GRIP1: variants seen among roughly 807,000 people sequenced by gnomAD.
The protein encoded by GRIP1 is glutamate receptor interacting protein 1.
A neutral mutation model predicts 129.9 loss-of-function variants in GRIP1; 45 were observed. That is an observed-to-expected ratio of 0.35 (90% CI 0.27 to 0.44). GRIP1 has a LOEUF of 0.44. Among genes scored for constraint, GRIP1 ranks in the 20% least tolerant of loss-of-function variants. The pLI, the probability that GRIP1 is intolerant of heterozygous loss-of-function variation, is 1.00. For synonymous variants in GRIP1, 530 were observed against 520.8 expected (o/e 1.02, Z -0.24); for missense variants, 1,196 against 1,396.8 (o/e 0.86, Z 2.29).
Position 66,785,343 on chromosome 12 carries a change from C to CATACATATATATATATATATATAT in GRIP1, c.-420+18709_-420+18710insATATATATATATATATATATGTAT, listed in dbSNP as rs377630345. 3.1e-3 allele frequency among the ~76,000 whole-genome samples: 227 copies of CATACATATATATATATATATATAT among 72,708 alleles called. 1 individual carries two copies. The highest frequency in any genetic ancestry group is 8.6e-3 in the Middle Eastern group (1 of 116). 47.7% of individuals were successfully genotyped at this position (72,708 alleles called of 152,430 possible). On this transcript the variant is annotated intron_variant, in intron 1 of 4. Transcript: ENST00000538373. The stretch of plus-strand genomic sequence containing the variant: ...ACATACATACATACATACATACATA[C>CATACATATATATATATATATATAT]ATATATATATATATATATATTAGTT...
At chr12:66,863,871 C>A (rs1428434095) in intron 1 of GRIP1, among the ~76,000 whole-genome samples, 2 of 152,134 alleles carry the variant, frequency 1.3e-5, no homozygotes, top group Admixed American at 6.6e-5. Flanking sequence ...CATAGCAGTT[C>A]TCAGAGGAGC....
At chr12:66,375,108 A>G (rs2055723898) in intron 22 of GRIP1, among the ~76,000 whole-genome samples, 1 of 152,166 alleles carries the variant, frequency 6.6e-6, no homozygotes, top group Non-Finnish European at 1.5e-5. Flanking sequence ...TCATTAATCA[A>G]GAAAGGGCAA....
At chr12:66,983,836 T>C (rs1187063195) in intron 1 of GRIP1, among the ~76,000 whole-genome samples, 4 of 152,058 alleles carry the variant, frequency 2.6e-5, no homozygotes, top group African/African-American at 4.8e-5. Context: ...GTATACTTAA[T>C]AGTGTTGCCC....
At chr12:66,582,111 C>A (rs1251204982) in intron 2 of GRIP1, among the ~76,000 whole-genome samples, 7 of 151,990 alleles carry the variant, frequency 4.6e-5, no homozygotes, top group Non-Finnish European at 8.8e-5. Context: ...ATATGCAAAT[C>A]AATAAATGTA....
chr12:66,641,453 C>T (rs538506229), intron 1 of GRIP1, among the ~76,000 whole-genome samples: 123 of 152,320 alleles, frequency 8.1e-4, no homozygotes, highest in Non-Finnish European at 1.2e-3. Flanking sequence ...TTTGAATTTT[C>T]TACCCTAAAA....
chr12:66,416,153 G>A (rs11832582), intron 15 of GRIP1, among the ~76,000 whole-genome samples: 2 of 151,512 alleles, frequency 1.3e-5, no homozygotes, highest in African/African-American at 4.8e-5. Flanking sequence ...CTGCTTCTGA[G>A]TGACCTGTGG....
At chr12:66,862,485 C>CA (rs2040129653) in intron 1 of GRIP1, among the ~76,000 whole-genome samples, 1 of 152,070 alleles carries the variant, frequency 6.6e-6, no homozygotes, top group Non-Finnish European at 1.5e-5. Context: ...TAGGCCACTA[C>CA]AAAAGGAGAA....
At chr12:66,489,705 T>C (rs149666738) in intron 7 of GRIP1, among the ~76,000 whole-genome samples, 4 of 152,286 alleles carry the variant, frequency 2.6e-5, no homozygotes, top group East Asian at 1.9e-4. Context: ...TGATGCTGCA[T>C]TGAGAATACT....
At position 66,895,307 on chromosome 12, in the gene GRIP1, T is replaced by C. The variant is rs150647150; in HGVS notation, c.58+173743A>G. ...ATGATAGTGAATAAGTCTCACAATATCTGATGGTTTCATAAAGGGCAGTTC... is the reference window on the plus strand; with the variant it reads ...ATGATAGTGAATAAGTCTCACAATACCTGATGGTTTCATAAAGGGCAGTTC... On this transcript the variant is annotated intron_variant, in intron 1 of 1. Coordinates refer to the GRIP1 transcript ENST00000643019. Among the ~76,000 whole-genome samples, 1,485 of 152,272 alleles carry C rather than the reference T, an allele frequency of 9.8e-3. 18 individuals carry two copies. Among genetic ancestry groups the C allele is most frequent in the Non-Finnish European group, 0.016 (1,090 of 68,002 alleles).
chr12:66,455,419 G>T lies in GRIP1; in HGVS notation c.1344C>A (p.Phe448Leu). 6.2e-7 allele frequency: 1 copy of T among 1,614,106 alleles called. No individual in the cohort carries two copies. The highest frequency in any genetic ancestry group is 8.5e-7 in the Non-Finnish European group (1 of 1,179,974). Reference sequence around the variant, plus strand: ...TGTCATTTCACTTACATGAGCTTTTGAAGTCTTTCTTTTTCAGTCTCCTCC... The same window carrying T: ...TGTCATTTCACTTACATGAGCTTTTTAAGTCTTTCTTTTTCAGTCTCCTCC... The part of the protein sequence containing the change: ...MMRRRLKKKD[F>L]KSSLSLASST... Residue 448 changes from phenylalanine (F) to leucine (L), a missense_variant, in exon 11 of 25, where the codon TTC becomes TTA. Physicochemically the swap from Phe to Leu is conservative, Grantham distance 22. Coordinates refer to ENST00000359742, the MANE Select transcript of GRIP1 (RefSeq NM_001366722.1).
At chr12:66,351,836 C>G (rs767200104) in intron 24 of GRIP1, among the ~76,000 whole-genome samples, 11 of 152,122 alleles carry the variant, frequency 7.2e-5, no homozygotes, top group Non-Finnish European at 1.0e-4. Flanking sequence ...TAAAAACACA[C>G]CGATGCCGTA....
chr12:66,899,847 G>C (rs1037865200), intron 1 of GRIP1, among the ~76,000 whole-genome samples: 2 of 152,328 alleles, frequency 1.3e-5, no homozygotes, highest in East Asian at 3.9e-4. Context: ...GGAGAACAAA[G>C]AAGGGAACAG....
At position 66,349,362 on chromosome 12, in the gene GRIP1, G is replaced by A. The variant is rs545693242; in HGVS notation, c.3160-116C>T. On this transcript the variant is annotated intron_variant, in intron 24 of 24. Transcript: ENST00000359742. ...AAGTCATGAAGGTGCTAAAATGAGCGCCATGAGGTCTATCCTTGTGACTAT... is the reference window on the plus strand; with the variant it reads ...AAGTCATGAAGGTGCTAAAATGAGCACCATGAGGTCTATCCTTGTGACTAT... The A allele has an allele frequency of 3.5e-5, 27 of 781,560 alleles. 1 individual carries two copies. Among genetic ancestry groups the A allele is most frequent in the Admixed American group, 9.9e-5 (5 of 50,536 alleles). 48.4% of individuals were successfully genotyped at this position (781,560 alleles called of 1,614,324 possible). A position where few individuals can be genotyped will look rare whatever the true frequency, so the allele number is the denominator to read the frequency against.
rs144562913 is a variant in GRIP1 at position 66,674,181 on chromosome 12, C to T, written c.55+4669G>A. On this transcript the variant is annotated intron_variant, in intron 1 of 24. Transcript: ENST00000359742. ...ACAGAGAGAGAGAGCATTCTCAACC[C>T]AGATGATGATCAGTTCTGAATCATA... Among the ~76,000 whole-genome samples the T allele has an allele frequency of 5.7e-3, 871 of 152,182 alleles. 7 individuals are homozygous for T. The highest frequency in any genetic ancestry group is 0.02 in the African/African-American group (824 of 41,522).
intron 2 of GRIP1, among the ~76,000 whole-genome samples, chr12:66,553,252 A>G (rs964110835): frequency 1.3e-5 from 2 of 152,252 alleles, no homozygotes; most frequent in South Asian, 4.2e-4. Flanking sequence ...ATGTAACACT[A>G]TCTTACCCAA....
intron 1 of GRIP1, among the ~76,000 whole-genome samples, chr12:67,007,324 G>C (rs1054745628): frequency 6.6e-6 from 1 of 152,058 alleles, no homozygotes; most frequent in Admixed American, 6.6e-5. Flanking sequence ...ATATGCGGGG[G>C]ATAAAGGACT....
In GRIP1 at chr12:66,765,009, A is replaced by C. The variant is rs1592822253; in HGVS notation, c.-420+39044T>G. ...TAGGCTCTATTATTATCCTTATTGG[A>C]TAGATAAGAAAGTTTAGGTATATAT... On this transcript the variant is annotated intron_variant, in intron 1 of 4. Transcript: ENST00000538373. 2.6e-5 allele frequency among the ~76,000 whole-genome samples: 4 copies of C among 152,328 alleles called. 1 individual carries two copies. The South Asian group carries it at 8.3e-4, about 32-fold the overall frequency.
intron 3 of GRIP1, among the ~76,000 whole-genome samples, chr12:66,540,634 C>T (rs1275080624): frequency 6.6e-6 from 1 of 152,194 alleles, no homozygotes; most frequent in Non-Finnish European, 1.5e-5. Flanking sequence ...ATAAATTGTA[C>T]AAACAGGTTG....
chr12:66,662,659 C>T (rs768614195), intron 1 of GRIP1, among the ~76,000 whole-genome samples: 4 of 152,046 alleles, frequency 2.6e-5, no homozygotes. Context: ...ATTTCTATTG[C>T]TTACCTAAAT....
Sources: allele counts gnomAD v4.1 joint callset (sites outside exome capture counted in the v4.1 genomes callset), GRCh38; gene constraint gnomAD v4.1.1; transcripts MANE v1.5; gene names NCBI Gene and HGNC (gene_info 2026-07-23, HGNC 2026-07-21).